Variants in LAMA4 observed in about 807,000 individuals in gnomAD.
The protein encoded by LAMA4 is laminin subunit alpha 4.
Under a neutral mutation model 207.1 loss-of-function variants are expected in LAMA4, and 127 were observed. That is an observed-to-expected ratio of 0.61 (90% CI 0.53 to 0.71). The LOEUF (loss-of-function observed/expected upper bound fraction) is 0.71. LAMA4 is among the 30% of genes least tolerant of loss of function. The pLI, the probability that LAMA4 is intolerant of heterozygous loss-of-function variation, is 0.00. For synonymous variants in LAMA4, 761 were observed against 816.0 expected (o/e 0.93, Z 1.15); for missense variants, 2,093 against 2,246.5 (o/e 0.93, Z 1.38).
In LAMA4 at chr6:112,130,047, A is replaced by G. The variant is rs782175452; in HGVS notation, c.3969-7T>C. ...ATCTACTATCAGTTCATATCTGCAA[A>G]AGAAAAAGGCTTCTTTACATACCAC... On this transcript the variant is annotated splice_region_variant and splice_polypyrimidine_tract_variant and intron_variant, in intron 29 of 38. Transcript: ENST00000230538. 1 of 1,612,138 alleles carries G rather than the reference A, an allele frequency of 6.2e-7. No individual in the cohort carries two copies. The highest frequency in any genetic ancestry group is 8.5e-7 in the Non-Finnish European group (1 of 1,178,934).
At chr6:112,160,236 A>G (rs782623959) in intron 13 of LAMA4, among the ~76,000 whole-genome samples, 6 of 152,124 alleles carry the variant, frequency 3.9e-5, no homozygotes, top group Non-Finnish European at 8.8e-5. Flanking sequence ...TTTTGCAACC[A>G]GCCCCCAGCC....
intron 6 of LAMA4, 104 bp from the exon 7 acceptor site, chr6:112,189,309 A>G (rs2114949867): frequency 2.6e-6 from 2 of 759,802 alleles, no homozygotes; most frequent in Non-Finnish European, 2.4e-6. Flanking sequence ...TGTATAATTC[A>G]TCAATGGGAA....
Position 112,155,626 on chromosome 6 carries a change from T to A in LAMA4, c.1898A>T (p.Tyr633Phe). The A allele has an allele frequency of 6.2e-7, 1 of 1,614,064 alleles. No individual in the cohort carries two copies. Among genetic ancestry groups the A allele is most frequent in the African/African-American group, 1.3e-5 (1 of 75,060 alleles). ...TGCTGTTTCATTGGCTTCACTAACA[T>A]AATTAACAATATTTTCATAGACATT... ...ASNVYENIVN[Y>F]VSEANETAEF... is the part of the protein sequence containing the mutation. The change falls in exon 15 of 39, where the codon TAT (tyrosine) becomes TTT (phenylalanine). Residue 633 changes from tyrosine (Y) to phenylalanine (F), a missense_variant. Physicochemically the swap from Tyr to Phe is conservative, Grantham distance 22. Coordinates refer to ENST00000230538, the MANE Select transcript of LAMA4 (RefSeq NM_001105206.3).
At chr6:112,201,239 G>A (rs1270259205) in intron 5 of LAMA4, among the ~76,000 whole-genome samples, 1 of 152,046 alleles carries the variant, frequency 6.6e-6, no homozygotes, top group Non-Finnish European at 1.5e-5. Context: ...ATTTACTGAG[G>A]AAACCTCACT....
intron 31 of LAMA4, among the ~76,000 whole-genome samples, chr6:112,123,557 C>A (rs587601791): frequency 7.2e-5 from 11 of 152,104 alleles, no homozygotes; most frequent in African/African-American, 2.4e-4. Context: ...AAGACAAAAT[C>A]CCCCCCACAA....
chr6:112,160,322 G>T (rs1314571258), intron 13 of LAMA4, among the ~76,000 whole-genome samples: 1 of 151,998 alleles, frequency 6.6e-6, no homozygotes, highest in African/African-American at 2.4e-5. Flanking sequence ...AGAGGAAAAT[G>T]TTCATTTTCT....
At chr6:112,203,156 C>A (rs1783856491) in intron 4 of LAMA4, among the ~76,000 whole-genome samples, 1 of 152,156 alleles carries the variant, frequency 6.6e-6, no homozygotes, top group South Asian at 2.1e-4. Context: ...TATGTTTTGT[C>A]TGGTTTTGGC....
chr6:112,231,741 C>T (rs1554364518), intron 2 of LAMA4, among the ~76,000 whole-genome samples: 1 of 152,204 alleles, frequency 6.6e-6, no homozygotes, highest in Non-Finnish European at 1.5e-5. Flanking sequence ...GGCAGCTTGA[C>T]ATATGTCTGG....
intron 2 of LAMA4, among the ~76,000 whole-genome samples, chr6:112,251,785 C>A (rs1045468476): frequency 1.3e-5 from 2 of 152,152 alleles, no homozygotes; most frequent in Non-Finnish European, 2.9e-5. Context: ...AACATAATTA[C>A]CTCAATCTCA....
chr6:112,224,418 C>G (rs2115097814), intron 2 of LAMA4, among the ~76,000 whole-genome samples: 1 of 152,316 alleles, frequency 6.6e-6, no homozygotes, highest in Non-Finnish European at 1.5e-5. Flanking sequence ...ATCGCACTGG[C>G]TCTGCTTCCT....
chr6:112,177,056 A>C (rs569845141), intron 10 of LAMA4, among the ~76,000 whole-genome samples: 5 of 152,316 alleles, frequency 3.3e-5, no homozygotes, highest in Admixed American at 3.3e-4. Context: ...GGATAAGGTC[A>C]TGTTATCTTC....
At chr6:112,235,165 G>T (rs1391859473) in intron 2 of LAMA4, among the ~76,000 whole-genome samples, 2 of 152,164 alleles carry the variant, frequency 1.3e-5, no homozygotes, top group Non-Finnish European at 2.9e-5. Flanking sequence ...ATGTGGGGCT[G>T]CCCCAAACCC....
At chr6:112,204,534 G>C (rs1783942865) in intron 4 of LAMA4, among the ~76,000 whole-genome samples, 1 of 149,994 alleles carries the variant, frequency 6.7e-6, no homozygotes, top group African/African-American at 2.5e-5. Flanking sequence ...AGCAGATGAG[G>C]CTACACAACA....
At chr6:112,230,494 A>T (rs1461821359) in intron 2 of LAMA4, among the ~76,000 whole-genome samples, 2 of 152,116 alleles carry the variant, frequency 1.3e-5, no homozygotes, top group African/African-American at 4.8e-5. Flanking sequence ...TCACCTTATT[A>T]CCTTCTAGAA....
intron 11 of LAMA4, 138 bp from the exon 12 acceptor site, chr6:112,172,942 T>C (rs1003028930): frequency 1.9e-5 from 13 of 685,410 alleles, no homozygotes; most frequent in Admixed American, 4.5e-5. Context: ...TTCACAAAAT[T>C]AGCTCCACCT....
chr6:112,220,867 T>C (rs549139032), intron 2 of LAMA4, among the ~76,000 whole-genome samples: 1 of 152,256 alleles, frequency 6.6e-6, no homozygotes, highest in East Asian at 1.9e-4. Context: ...CCAATCTAAG[T>C]AACAAAATTT....
chr6:112,154,714 C>G, intron 16 of LAMA4, 137 bp downstream of exon 16: 1 of 690,992 alleles, frequency 1.4e-6, no homozygotes, highest in Non-Finnish European at 2.6e-6. Flanking sequence ...TAACTTGACT[C>G]TGAGCAGGAA....
intron 2 of LAMA4, chr6:112,217,624 AAC>A (rs1554359144): frequency 6.6e-6 from 1 of 152,258 alleles, no homozygotes; most frequent in African/African-American, 2.4e-5. Context: ...TTTAAAAAAA[AAC>A]ACACACATCA....
chr6:112,178,258 G>A lies in LAMA4; in HGVS notation c.1078-26C>T, dbSNP rs782624364. ...CTACAAATAATCCGTATAAAGGCTA[G>A]ATTAAATGTATGAGAAAAGAATGTT... On this transcript the variant is annotated intron_variant, in intron 9 of 38. Transcript: ENST00000230538. 4.0e-6 allele frequency: 6 copies of A among 1,508,620 alleles called. No individual in the cohort carries two copies. The Admixed American group carries it at 1.0e-4, about 25-fold the overall frequency. 93.5% of individuals were successfully genotyped at this position (1,508,620 alleles called of 1,614,324 possible).
Sources: gnomAD v4.1 joint callset for allele counts (sites outside exome capture counted in the v4.1 genomes callset) on GRCh38, gnomAD v4.1.1 for gene constraint, MANE v1.5 for transcripts, NCBI Gene and HGNC (gene_info 2026-07-23, HGNC 2026-07-21) for gene names.